Variants in SOX6 observed in about 807,000 individuals in gnomAD.
The protein encoded by SOX6 is SRY-box transcription factor 6.
Under a neutral mutation model 97.8 loss-of-function variants are expected in SOX6, and 11 were observed. The observed-to-expected ratio is 0.11, with a 90% CI of 0.07 to 0.19. SOX6 has a LOEUF of 0.19. Among genes scored for constraint, SOX6 ranks in the 10% least tolerant of loss-of-function variants. SOX6 has a pLI of 1.00. For synonymous variants in SOX6, 360 were observed against 371.4 expected (o/e 0.97, Z 0.35); for missense variants, 810 against 1,039.5 (o/e 0.78, Z 3.04).
At chr11:15,976,153 A>T (rs1853477291) in intron 15 of SOX6, among the ~76,000 whole-genome samples, 1 of 152,100 alleles carries the variant, frequency 6.6e-6, no homozygotes, top group African/African-American at 2.4e-5. Context: ...ATTCACATAC[A>T]ACTGTTCGAG....
rs369432262 is a variant in SOX6 at position 16,213,283 on chromosome 11, T to C, written c.535+21299A>G. Among the ~76,000 whole-genome samples the C allele has an allele frequency of 1.4e-3, 208 of 152,208 alleles. 1 individual carries two copies. Among genetic ancestry groups the C allele is most frequent in the African/African-American group, 4.7e-3 (194 of 41,524 alleles). On this transcript the variant is annotated intron_variant, in intron 4 of 15. Coordinates refer to ENST00000683767, the MANE Select transcript of SOX6 (RefSeq NM_001367873.1). ...TGCAAATAGTTCTCTCTTTTTCTCTTAGAGTTTTATTTACTTTGAAAGGAT... is the reference window on the plus strand; with the variant it reads ...TGCAAATAGTTCTCTCTTTTTCTCTCAGAGTTTTATTTACTTTGAAAGGAT...
intron 3 of SOX6, among the ~76,000 whole-genome samples, chr11:16,651,072 A>G (rs1330625170): frequency 1.3e-5 from 2 of 152,128 alleles, no homozygotes; most frequent in African/African-American, 2.4e-5. Context: ...AGATTAAATC[A>G]TGAAGAAATA....
Position 16,068,873 on chromosome 11 carries a change from T to C in SOX6, c.1102-12972A>G, listed in dbSNP as rs1332735749. ...ATTTCTTTTTTCTTCCCATATTTTT[T>C]TCTCCCACCAAATTCTGAGTTCGTT... On this transcript the variant is annotated intron_variant, in intron 9 of 15. Transcript: ENST00000683767. 5.9e-5 allele frequency among the ~76,000 whole-genome samples: 9 copies of C among 152,358 alleles called. No homozygotes were observed. The South Asian group carries it at 1.0e-3, about 18-fold the overall frequency.
intron 4 of SOX6, among the ~76,000 whole-genome samples, chr11:16,501,959 T>G (rs1001447162): frequency 6.6e-6 from 1 of 152,208 alleles, no homozygotes; most frequent in African/African-American, 2.4e-5. Context: ...ATCCCGTTAC[T>G]GGGTATATAC....
intron 3 of SOX6, chr11:16,646,100 AGGCT>A (rs1457565427): frequency 6.6e-6 from 1 of 152,222 alleles, no homozygotes; most frequent in Non-Finnish European, 1.5e-5. Flanking sequence ...TCTGGGTTCC[AGGCT>A]GAATTAACAG....
intron 4 of SOX6, among the ~76,000 whole-genome samples, chr11:16,531,522 G>T (rs568645778): frequency 2.6e-5 from 4 of 151,710 alleles, no homozygotes; most frequent in South Asian, 4.2e-4. Flanking sequence ...CAACCCTATG[G>T]AATAAATATT....
chr11:16,401,177 T>C (rs1858548525), intron 1 of SOX6, among the ~76,000 whole-genome samples: 1 of 151,506 alleles, frequency 6.6e-6, no homozygotes, highest in Admixed American at 6.6e-5. Flanking sequence ...ACACTAGAAA[T>C]AGTGTTTAAA....
At chr11:16,579,173 T>C (rs1489543774) in intron 4 of SOX6, among the ~76,000 whole-genome samples, 1 of 152,076 alleles carries the variant, frequency 6.6e-6, no homozygotes, top group Non-Finnish European at 1.5e-5. Flanking sequence ...GCAACACTCT[T>C]AGAAATCAAT....
At chr11:16,514,450 T>A (rs1165492738) in intron 4 of SOX6, among the ~76,000 whole-genome samples, 1 of 152,162 alleles carries the variant, frequency 6.6e-6, no homozygotes, top group Non-Finnish European at 1.5e-5. Context: ...ATTAGCTAAC[T>A]GTGTAACCTC....
At chr11:16,143,369 A>C (rs1316367609) in intron 6 of SOX6, among the ~76,000 whole-genome samples, 2 of 152,188 alleles carry the variant, frequency 1.3e-5, no homozygotes, top group African/African-American at 4.8e-5. Flanking sequence ...CATGGAAAGG[A>C]ACAACTGGTA....
At chr11:16,164,484 G>A (rs938037832) in intron 6 of SOX6, among the ~76,000 whole-genome samples, 6 of 152,030 alleles carry the variant, frequency 3.9e-5, no homozygotes, top group African/African-American at 9.7e-5. Flanking sequence ...AACTGTTCTC[G>A]CATTTTAAAA....
intron 4 of SOX6, among the ~76,000 whole-genome samples, chr11:16,523,139 C>A (rs1256383079): frequency 3.3e-5 from 5 of 152,010 alleles, no homozygotes; most frequent in Non-Finnish European, 7.4e-5. Context: ...ACCTAATAGA[C>A]ATCTACAGGA....
At chr11:16,580,623 G>A (rs888536551) in intron 4 of SOX6, among the ~76,000 whole-genome samples, 2 of 152,020 alleles carry the variant, frequency 1.3e-5, no homozygotes, top group African/African-American at 4.8e-5. Context: ...AAGAAAATAT[G>A]TTGCATCCAC....
chr11:16,438,789 AG>A (rs1859440370), intron 1 of SOX6, among the ~76,000 whole-genome samples: 1 of 152,002 alleles, frequency 6.6e-6, no homozygotes, highest in Non-Finnish European at 1.5e-5. Context: ...GTCCATGATC[AG>A]GAAATCTTGA....
chr11:16,120,242 C>CCT (rs951133890), intron 6 of SOX6, among the ~76,000 whole-genome samples: 162 of 142,076 alleles, frequency 1.1e-3, no homozygotes, highest in African/African-American at 3.4e-3. Flanking sequence ...CTCACTCACT[C>CCT]CTCTCTCTCT....
chr11:16,323,665 C>A (rs1033524819), intron 2 of SOX6, among the ~76,000 whole-genome samples: 1 of 152,262 alleles, frequency 6.6e-6, no homozygotes, highest in African/African-American at 2.4e-5. Flanking sequence ...ACCCTCCAAA[C>A]TACACATCAA....
At chr11:16,683,615 C>G (rs1444850144) in intron 3 of SOX6, among the ~76,000 whole-genome samples, 1 of 152,080 alleles carries the variant, frequency 6.6e-6, no homozygotes, top group Non-Finnish European at 1.5e-5. Context: ...AATGTTAGAC[C>G]TAAAACCATA....
At chr11:16,326,308 C>T (rs752675466) in intron 2 of SOX6, among the ~76,000 whole-genome samples, 3 of 152,036 alleles carry the variant, frequency 2.0e-5, no homozygotes, top group Non-Finnish European at 4.4e-5. Flanking sequence ...TCCTCTGATG[C>T]ACTCGTCTCT....
chr11:16,105,569 T>TAAAC lies in SOX6; in HGVS notation c.898+6230_898+6233dup, dbSNP rs890881019. ...GACAACAGAGCTAGACCCTGTTTGT[T>TAAAC]AAACAAACAAACAAACATCCACAGC... On this transcript the variant is annotated intron_variant, in intron 7 of 15. Coordinates refer to ENST00000683767, the MANE Select transcript of SOX6 (RefSeq NM_001367873.1). Among the ~76,000 whole-genome samples the TAAAC allele has an allele frequency of 2.6e-5, 4 of 151,954 alleles. No homozygotes were observed. In the East Asian group the frequency reaches 5.8e-4, roughly 22 times the overall value.
Sources: gnomAD v4.1 joint callset for allele counts (sites outside exome capture counted in the v4.1 genomes callset) on GRCh38, gnomAD v4.1.1 for gene constraint, MANE v1.5 for transcripts, NCBI Gene and HGNC (gene_info 2026-07-23, HGNC 2026-07-21) for gene names.